SF3B2: variants seen among roughly 807,000 people sequenced by gnomAD.
SF3B2 encodes splicing factor 3b subunit 2.
Under a neutral mutation model 116.3 loss-of-function variants are expected in SF3B2, and 22 were observed. The ratio of observed to expected loss-of-function variants is 0.19; its 90% confidence interval spans 0.14 to 0.27. The LOEUF (loss-of-function observed/expected upper bound fraction) is 0.27, where lower values mean the gene tolerates loss of function less well. Among genes scored for constraint, SF3B2 ranks in the 10% least tolerant of loss-of-function variants. The probability of loss-of-function intolerance (pLI) is 1.00; values close to 1 mark genes in which losing one functional copy is unlikely to be tolerated. For synonymous variants in SF3B2, 406 were observed against 421.6 expected (o/e 0.96, Z 0.45); for missense variants, 767 against 1,151.4 (o/e 0.67, Z 4.83).
chr11:66,055,418 C>T (rs112460117), intron 4 of SF3B2, 103 bp downstream of exon 4: 23 of 1,589,990 alleles, frequency 1.4e-5, no homozygotes, highest in East Asian at 6.7e-5. Flanking sequence ...CTGGGAAGGT[C>T]GGGACTAAAG....
At chr11:66,068,529 C>T in intron 21 of SF3B2, 145 bp from the exon 22 acceptor site, 3 of 854,508 alleles carry the variant, frequency 3.5e-6, no homozygotes, top group Non-Finnish European at 5.5e-6. Context: ...GGAACTCAGC[C>T]AAGTCTGAGA....
intron 6 of SF3B2, 89 bp downstream of exon 6, chr11:66,057,044 G>A (rs183705047): frequency 7.2e-6 from 7 of 970,498 alleles, no homozygotes; most frequent in Middle Eastern, 4.3e-4. Context: ...ATTTAAAAAG[G>A]GCATATATAG....
In SF3B2 at chr11:66,055,170, G is replaced by A; in HGVS notation, c.353G>A (p.Gly118Asp). Residue 118 changes from glycine to aspartate, a missense_variant, in exon 4 of 22, where the codon GGC becomes GAC. Physicochemically the swap from Gly to Asp is moderately conservative, Grantham distance 94 (BLOSUM62 -1). Around this residue, in one of 4 missense-constraint regions of SF3B2, gnomAD observed 455 missense variants for 537.5 expected, o/e 0.85. Transcript: ENST00000322535. ...PPPPPPGLGL[G>D]FPMAHPPNLG... The stretch of plus-strand genomic sequence containing the variant: ...CCACCTCCACCAGGCCTTGGCCTTG[G>A]CTTTCCTATGGCCCACCCACCAAAT... The A allele has an allele frequency of 6.2e-7, 1 of 1,609,004 alleles. No individual in the cohort carries two copies. Among genetic ancestry groups the A allele is most frequent in the Non-Finnish European group, 8.5e-7 (1 of 1,176,274 alleles).
rs1856905338 is a variant in SF3B2, at chr11:66,052,723, G to A, written c.180+4G>A. On this transcript the variant is annotated splice_donor_region_variant and intron_variant, in intron 2 of 21. Transcript: ENST00000322535. ...GCTGCAGAGCTACACCCGCCAGGTAGGTGTTGGCGGCGGGACGTCAGGATA... is the reference window on the plus strand; with the variant it reads ...GCTGCAGAGCTACACCCGCCAGGTAAGTGTTGGCGGCGGGACGTCAGGATA... 1.3e-6 allele frequency: 2 copies of A among 1,564,096 alleles called. No homozygotes were observed. The highest frequency in any genetic ancestry group is 1.7e-6 in the Non-Finnish European group (2 of 1,159,264).
Position 66,068,763 on chromosome 11 carries a change from CT to C in SF3B2, c.*25del. 8 of 1,608,262 alleles carry C rather than the reference CT, an allele frequency of 5.0e-6. No homozygotes were observed. Among genetic ancestry groups the C allele is most frequent in the Non-Finnish European group, 5.1e-6 (6 of 1,175,258 alleles). ...AGTTTTAGGTCCCCTCACACTAGCC[CT>C]TTTTTTGGCCCTACGTCTGGATGCC... On this transcript the variant is annotated 3_prime_UTR_variant, in exon 22 of 22. Coordinates refer to ENST00000322535, the MANE Select transcript of SF3B2 (RefSeq NM_006842.3).
At chr11:66,060,069 G>C (rs375192214) in intron 13 of SF3B2, 60 bp downstream of exon 13, 1 of 1,477,398 alleles carries the variant, frequency 6.8e-7, no homozygotes. Context: ...ATAGCAGTGT[G>C]CTTCAAAATG....
chr11:66,055,411 G>T, intron 4 of SF3B2, 96 bp downstream of exon 4: 1 of 1,589,752 alleles, frequency 6.3e-7, no homozygotes, highest in Non-Finnish European at 8.6e-7. Context: ...AAGGCTTCTG[G>T]GAAGGTCGGG....
chr11:66,060,836 G>C (rs1448935577), intron 14 of SF3B2, 105 bp downstream of exon 14: 1 of 1,278,598 alleles, frequency 7.8e-7, no homozygotes, highest in Admixed American at 2.1e-5. Context: ...GTCTCACCCT[G>C]TTATCCAGGC....
Position 66,060,813 on chromosome 11 carries a change from TA to T in SF3B2, c.1779+88del, listed in dbSNP as rs1042238996. 1.0e-5 allele frequency: 15 copies of T among 1,452,812 alleles called. No individual in the cohort carries two copies. The African/African-American group carries it at 2.1e-4, about 21-fold the overall frequency. 90.0% of individuals were successfully genotyped at this position (1,452,812 alleles called of 1,614,324 possible). A position where few individuals can be genotyped will look rare whatever the true frequency, so the allele number is the denominator to read the frequency against. ...GCTTTTTTTTGTTTGTTTGTTTGTT[TA>T]AAAAAGATGGAGTCTCACCCTGTTA... On this transcript the variant is annotated intron_variant, in intron 14 of 21. Coordinates refer to ENST00000322535, the MANE Select transcript of SF3B2 (RefSeq NM_006842.3).
At chr11:66,055,490 C>CT (rs1565087056) in intron 4 of SF3B2, 45 bp from the exon 5 acceptor site, 1 of 1,608,884 alleles carries the variant, frequency 6.2e-7, no homozygotes, top group Admixed American at 1.7e-5. Flanking sequence ...GGCAGATTGG[C>CT]GTGTTGGGTA....
chr11:66,067,606 C>T lies in SF3B2; in HGVS notation c.2331-340C>T, dbSNP rs910338133. The T allele has an allele frequency of 2.8e-4, 130 of 472,690 alleles. 4 individuals carry two copies. Among genetic ancestry groups the T allele is most frequent in the South Asian group, 2.0e-3 (126 of 64,498 alleles). The allele number at this position is 472,690 out of a possible 1,614,324, so 29.3% of individuals were successfully genotyped here. On this transcript the variant is annotated intron_variant, in intron 19 of 21. Transcript: ENST00000322535. ...ATTCTTCGGGTGGGAACTGTTGTCG[C>T]CTGCTCTATCTTGCCAGCTTCTCTG...
intron 19 of SF3B2, chr11:66,067,386 C>T: frequency 2.2e-6 from 1 of 456,204 alleles, no homozygotes; most frequent in Non-Finnish European, 4.4e-6. Flanking sequence ...TTCTCTGGCT[C>T]CTGTGTGGAC....
chr11:66,057,985 AAGAAAG>A, intron 7 of SF3B2, 63 bp from the exon 8 acceptor site: 1 of 792,164 alleles, frequency 1.3e-6, no homozygotes, highest in Non-Finnish European at 1.8e-6. Context: ...AAAAAAAAAA[AAGAAAG>A]AAAGAAAAAA....
In SF3B2 at chr11:66,068,769, T is replaced by G; in HGVS notation, c.*24T>G. On this transcript the variant is annotated 3_prime_UTR_variant, in exon 22 of 22. Coordinates refer to ENST00000322535, the MANE Select transcript of SF3B2 (RefSeq NM_006842.3). Reference sequence around the variant, plus strand: ...AGGTCCCCTCACACTAGCCCTTTTTTTGGCCCTACGTCTGGATGCCTGGGC... The same window carrying G: ...AGGTCCCCTCACACTAGCCCTTTTTGTGGCCCTACGTCTGGATGCCTGGGC... The G allele has an allele frequency of 6.2e-7, 1 of 1,604,534 alleles. No individual in the cohort carries two copies. The highest frequency in any genetic ancestry group is 8.5e-7 in the Non-Finnish European group (1 of 1,171,800).
chr11:66,059,148 G>A lies in SF3B2; in HGVS notation c.1183-53G>A. 5 of 1,612,678 alleles carry A rather than the reference G, an allele frequency of 3.1e-6. No homozygotes were observed. Among genetic ancestry groups the A allele is most frequent in the Non-Finnish European group, 4.2e-6 (5 of 1,179,310 alleles). ...CAGGCATCTTTTAGTGCTGGCCTTA[G>A]GAACTGGGAAGGGGCTCAGAGGGCA... On this transcript the variant is annotated intron_variant, in intron 10 of 21. Transcript: ENST00000322535. This position sits in a 1 kb window ranked among gnomAD's most constrained non-coding sequence, Gnocchi z 5.0.
chr11:66,052,802 C>A, intron 2 of SF3B2, 83 bp downstream of exon 2: 1 of 1,442,486 alleles, frequency 6.9e-7, no homozygotes, highest in South Asian at 1.4e-5. Context: ...GGTCTTCATT[C>A]TTTCTTTATC....
chr11:66,059,414 G>A lies in SF3B2; in HGVS notation c.1320+76G>A, dbSNP rs888780555. 10 of 1,609,960 alleles carry A rather than the reference G, an allele frequency of 6.2e-6. No individual in the cohort carries two copies. In the African/African-American group the frequency reaches 1.2e-4, roughly 19 times the overall value. Reference sequence around the variant, plus strand: ...TGAGATGCATCCAGAGAGGGACCATGGTGAACTCTTACAGAGCTTTGGTGG... The same window carrying A: ...TGAGATGCATCCAGAGAGGGACCATAGTGAACTCTTACAGAGCTTTGGTGG... On this transcript the variant is annotated intron_variant, in intron 11 of 21. Transcript: ENST00000322535. This position sits in a 1 kb window ranked among gnomAD's most constrained non-coding sequence, Gnocchi z 5.0.
intron 5 of SF3B2, among the ~76,000 whole-genome samples, 195 bp from the exon 6 acceptor site, chr11:66,056,643 A>C (rs1856999921): frequency 6.6e-6 from 1 of 151,926 alleles, no homozygotes; most frequent in Admixed American, 6.6e-5. Flanking sequence ...ATTTCTAGGG[A>C]TTTTCCGTTG....
At position 66,060,711 on chromosome 11, in the gene SF3B2, C is replaced by T; in HGVS notation, c.1759C>T (p.His587Tyr). The T allele has an allele frequency of 6.2e-7, 1 of 1,614,174 alleles. No homozygotes were observed. The highest frequency in any genetic ancestry group is 8.5e-7 in the Non-Finnish European group (1 of 1,180,022). ...GCAGACCAAGCCAAAGCTGACCATC[C>T]ATGGGGACCTGTACTATGAGGTTCG... ...KWQTKPKLTI[H>Y]GDLYYEGKEF... Residue 587 changes from histidine (H) to tyrosine (Y), a missense_variant, in exon 14 of 22, where the codon CAT becomes TAT. Transcript: ENST00000322535.
Sources: allele counts gnomAD v4.1 joint callset (sites outside exome capture counted in the v4.1 genomes callset), GRCh38; gene constraint gnomAD v4.1.1; regional missense constraint gnomAD v4.1.1; non-coding constraint Gnocchi (gnomAD v3.1); transcripts MANE v1.5; gene names NCBI Gene and HGNC (gene_info 2026-07-23, HGNC 2026-07-21).